Variants in RANBP3 observed in about 807,000 individuals in gnomAD.
The protein encoded by RANBP3 is ran-binding protein 3.
Under a neutral mutation model 77.3 loss-of-function variants are expected in RANBP3, and 14 were observed. The ratio of observed to expected loss-of-function variants is 0.18; its 90% CI spans 0.12 to 0.28. The LOEUF is 0.28. Ranked by LOEUF, RANBP3 falls within the 10% of genes least tolerant of loss-of-function variation. The pLI is 1.00. For synonymous variants in RANBP3, 315 were observed against 312.4 expected (o/e 1.01, Z -0.09); for missense variants, 586 against 752.3 (o/e 0.78, Z 2.59).
chr19:5,917,284 G>A lies in RANBP3; in HGVS notation c.*326C>T, dbSNP rs749000367. 19 of 401,130 alleles carry A rather than the reference G, an allele frequency of 4.7e-5. No homozygotes were observed. The highest frequency in any genetic ancestry group is 7.7e-5 in the Non-Finnish European group (17 of 219,726). 24.8% of individuals were successfully genotyped at this position (401,130 alleles called of 1,614,324 possible). A position where few individuals can be genotyped will look rare whatever the true frequency, so the allele number is the denominator to read the frequency against. ...GCTCTGGCTGGACCCAGAGGCTGGC[G>A]ACACGCGGGGTGAAGGAACGAGGTC... On this transcript the variant is annotated 3_prime_UTR_variant, in exon 17 of 17. Coordinates refer to ENST00000340578, the MANE Select transcript of RANBP3 (RefSeq NM_007322.3).
intron 1 of RANBP3, among the ~76,000 whole-genome samples, chr19:5,967,836 C>A (rs1305764527): frequency 6.6e-6 from 1 of 152,136 alleles, no homozygotes; most frequent in East Asian, 1.9e-4. Flanking sequence ...GCCTGGGCAA[C>A]ATGGTGAAAT....
intron 1 of RANBP3, chr19:5,962,835 C>T: frequency 2.3e-6 from 1 of 439,074 alleles, no homozygotes; most frequent in Non-Finnish European, 4.6e-6. Context: ...GGCAGGACCG[C>T]CCCACTGCCC....
intron 5 of RANBP3, chr19:5,933,891 G>A (rs1186260104): frequency 2.5e-5 from 4 of 161,406 alleles, no homozygotes; most frequent in African/African-American, 7.2e-5. Flanking sequence ...CAGAGGATGC[G>A]GCTGTGGCCA....
In RANBP3 at chr19:5,924,701, T is replaced by C; in HGVS notation, c.996+126A>G. ...CTGAGCAGGGTCTTCCCTCTCTCAC[T>C]TGCTACTGAAGGCATCCCCATCTCA... On this transcript the variant is annotated intron_variant, in intron 11 of 16. Coordinates refer to ENST00000340578, the MANE Select transcript of RANBP3 (RefSeq NM_007322.3). The surrounding 1 kb of genome is among the most constrained non-coding windows in gnomAD (Gnocchi z 4.7). The C allele has an allele frequency of 3.1e-6, 3 of 956,250 alleles. No individual in the cohort carries two copies. Among genetic ancestry groups the C allele is most frequent in the Non-Finnish European group, 3.3e-6 (2 of 599,186 alleles). The allele number at this position is 956,250 out of a possible 1,614,324, so 59.2% of individuals were successfully genotyped here. A position where few individuals can be genotyped will look rare whatever the true frequency, so the allele number is the denominator to read the frequency against.
rs2058482975 is a variant in RANBP3 at position 5,967,619 on chromosome 19, T to C, written c.23-9646A>G. Among the ~76,000 whole-genome samples the C allele has an allele frequency of 2.0e-5, 3 of 152,052 alleles. No individual in the cohort carries two copies. The South Asian group carries it at 6.2e-4, about 32-fold the overall frequency. On this transcript the variant is annotated intron_variant, in intron 1 of 16. Transcript: ENST00000340578. ...TTTATCAGCCCTGCAGCCAAACCCT[T>C]CTAAGCTTCCACTCCTGCGCCACCC...
Position 5,958,403 on chromosome 19 carries a change from G to A in RANBP3, c.23-430C>T, listed in dbSNP as rs1449609576. Among the ~76,000 whole-genome samples the A allele has an allele frequency of 6.6e-6, 1 of 152,236 alleles. No homozygotes were observed. Among genetic ancestry groups the A allele is most frequent in the East Asian group, 1.9e-4 (1 of 5,206 alleles). ...CCAGAGGGCAAAAAAAAGGGCCACCGCTCGCGCTGTTTGCAGACAGTTCTG... is the reference window on the plus strand; with the variant it reads ...CCAGAGGGCAAAAAAAAGGGCCACCACTCGCGCTGTTTGCAGACAGTTCTG... On this transcript the variant is annotated intron_variant, in intron 1 of 16. Coordinates refer to ENST00000340578, the MANE Select transcript of RANBP3 (RefSeq NM_007322.3). This position sits in a 1 kb window ranked among gnomAD's most constrained non-coding sequence, Gnocchi z 4.4.
At chr19:5,941,328 C>A (rs1356916399) in intron 5 of RANBP3, among the ~76,000 whole-genome samples, 1 of 151,924 alleles carries the variant, frequency 6.6e-6, no homozygotes, top group African/African-American at 2.4e-5. Context: ...GAGGCCCCAA[C>A]AGGGCTCTCA....
chr19:5,938,200 G>A lies in RANBP3; in HGVS notation c.406+3421C>T, dbSNP rs989911052. The stretch of plus-strand genomic sequence containing the variant: ...AGCTAACTTATCTCACAATGCTTTT[G>A]AAGTCGGCAATGAATTTATATATGG... On this transcript the variant is annotated intron_variant, in intron 5 of 16. Transcript: ENST00000340578. Among the ~76,000 whole-genome samples the A allele has an allele frequency of 2.0e-5, 3 of 152,016 alleles. No homozygotes were observed. In the East Asian group the frequency reaches 5.8e-4, roughly 29 times the overall value.
chr19:5,932,486 T>C lies in RANBP3; in HGVS notation c.531A>G (p.Leu177=), dbSNP rs777064538. 3.1e-6 allele frequency: 5 copies of C among 1,613,892 alleles called. No individual in the cohort carries two copies. The South Asian group carries it at 5.5e-5, about 18-fold the overall frequency. ...ACAGCGCCTTTGGCTGCGGAGCTTG[T>C]AACACTGCCGGGCGAAGCACGCTCC... is the stretch of plus-strand genomic sequence containing the variant. ...QQRSVLRPAV[L]QAPQPKALSQ... The change falls in exon 7 of 17, where the codon TTA becomes TTG. Residue 177 remains leucine, a synonymous_variant. Coordinates refer to ENST00000340578, the MANE Select transcript of RANBP3 (RefSeq NM_007322.3).
At chr19:5,976,653 A>G (rs1180374810) in intron 1 of RANBP3, 1 of 152,316 alleles carries the variant, frequency 6.6e-6, no homozygotes, top group Non-Finnish European at 1.5e-5. Context: ...CTGAGGCAGG[A>G]GAATCACCTG....
Position 5,973,065 on chromosome 19 carries a change from G to A in RANBP3, c.22+4996C>T, listed in dbSNP as rs550135581. Among the ~76,000 whole-genome samples the A allele has an allele frequency of 2.6e-5, 4 of 152,292 alleles. No homozygotes were observed. The South Asian group carries it at 8.3e-4, about 32-fold the overall frequency. ...CCTGGATACCCCTTGGGTACCATCA[G>A]GCCCCTTCTGCTACAGATACAGGAG... On this transcript the variant is annotated intron_variant, in intron 1 of 16. Transcript: ENST00000340578.
intron 10 of RANBP3, 36 bp downstream of exon 10, chr19:5,925,598 C>T (rs372642256): frequency 1.5e-5 from 24 of 1,590,166 alleles, no homozygotes; most frequent in Non-Finnish European, 2.0e-5. Context: ...ACCTGCATCG[C>T]CATGCCAGGC....
intron 1 of RANBP3, among the ~76,000 whole-genome samples, chr19:5,973,254 G>A (rs1331775601): frequency 6.6e-6 from 1 of 152,118 alleles, no homozygotes; most frequent in African/African-American, 2.4e-5. Flanking sequence ...CCCTCTCAGG[G>A]GCTAGGTTTT....
In RANBP3 at chr19:5,958,619, T is replaced by C. The variant is rs760624552; in HGVS notation, c.23-646A>G. Among the ~76,000 whole-genome samples, 1 of 152,210 alleles carries C rather than the reference T, an allele frequency of 6.6e-6. No individual in the cohort carries two copies. The highest frequency in any genetic ancestry group is 2.4e-5 in the African/African-American group (1 of 41,454). On this transcript the variant is annotated intron_variant, in intron 1 of 16. Coordinates refer to ENST00000340578, the MANE Select transcript of RANBP3 (RefSeq NM_007322.3). The surrounding 1 kb of genome is among the most constrained non-coding windows in gnomAD (Gnocchi z 4.4). ...TAATGCCCACGCAACACCATCTGTC[T>C]CCTACCCAGGGGCAGCCAGATCCAC...
intron 5 of RANBP3, chr19:5,935,741 G>A: frequency 4.4e-6 from 2 of 456,778 alleles, no homozygotes; most frequent in South Asian, 3.1e-5. Flanking sequence ...GACAGACAAG[G>A]CGTGCTCCAG....
intron 9 of RANBP3, among the ~76,000 whole-genome samples, chr19:5,927,434 A>G (rs916540146): frequency 6.6e-6 from 1 of 152,220 alleles, no homozygotes; most frequent in African/African-American, 2.4e-5. Flanking sequence ...CACAGGGAAT[A>G]CTGGCCACGT....
chr19:5,946,970 C>G (rs2058213086), intron 3 of RANBP3, among the ~76,000 whole-genome samples: 1 of 152,198 alleles, frequency 6.6e-6, no homozygotes, highest in Non-Finnish European at 1.5e-5. Flanking sequence ...CTGGGACACA[C>G]TCAGGGTCAG....
At chr19:5,948,912 C>A (rs1210293307) in intron 3 of RANBP3, among the ~76,000 whole-genome samples, 1 of 152,170 alleles carries the variant, frequency 6.6e-6, no homozygotes, top group Non-Finnish European at 1.5e-5. Context: ...AAACAGAGAA[C>A]TTAATCGGGA....
intron 8 of RANBP3, 32 bp downstream of exon 8, chr19:5,931,372 T>C: frequency 1.3e-6 from 2 of 1,586,744 alleles, no homozygotes; most frequent in Non-Finnish European, 1.7e-6. Flanking sequence ...GGGCCTAGCA[T>C]GCAGCGCTTC....
Sources: allele counts gnomAD v4.1 joint callset (sites outside exome capture counted in the v4.1 genomes callset), GRCh38; gene constraint gnomAD v4.1.1; non-coding constraint Gnocchi (gnomAD v3.1); transcripts MANE v1.5; gene names NCBI Gene and HGNC (gene_info 2026-07-23, HGNC 2026-07-21).